The following ZEB1 variants were observed in gnomAD, a reference collection of about 807,000 sequenced individuals.
ZEB1 encodes the protein zinc finger E-box binding homeobox 1, also known as zinc finger E-box-binding homeobox 1.
In ZEB1, 21 loss-of-function variants were observed where a neutral mutation model predicts 84.9. The observed-to-expected ratio is 0.25, with a 90% CI of 0.18 to 0.36. ZEB1 has a LOEUF of 0.36. Among genes scored for constraint, ZEB1 ranks in the 10% least tolerant of loss-of-function variants. The probability of loss-of-function intolerance (pLI) is 1.00; values close to 1 mark genes in which losing one functional copy is unlikely to be tolerated. For missense variants in ZEB1, 1,104 were observed against 1,330.2 expected, an observed-to-expected ratio of 0.83 and a Z score of 2.65; for synonymous variants, 420 against 471.1, an observed-to-expected ratio of 0.89 and a Z score of 1.41.
intron 2 of ZEB1, among the ~76,000 whole-genome samples, chr10:31,479,711 T>G (rs1390335080): frequency 6.6e-6 from 1 of 151,934 alleles, no homozygotes; most frequent in Non-Finnish European, 1.5e-5. Context: ...AATTGTTAAG[T>G]ATGTAGTAAG....
At chr10:31,454,021 G>A (rs548341596) in intron 1 of ZEB1, among the ~76,000 whole-genome samples, 99 of 152,246 alleles carry the variant, frequency 6.5e-4, no homozygotes, top group Admixed American at 2.5e-3. Flanking sequence ...TAAAATACTG[G>A]CAAACTAAAT....
At position 31,516,539 on chromosome 10, in the gene ZEB1, TAAAAAAAAAAAAAAAAAAAAAAAAAAA is replaced by T. The variant is rs71027029; in HGVS notation, c.793+1844_793+1870del. The stretch of plus-strand genomic sequence containing the variant: ...AACCAAGACCCAGGGTGTCTGTAAG[TAAAAAAAAAAAAAAAAAAAAAAAAAAA>T]AAAAAAAAAAAATCAGTTGCTAGAA... On this transcript the variant is annotated intron_variant, in intron 6 of 8. Transcript: ENST00000424869. Among the ~76,000 whole-genome samples the T allele has an allele frequency of 5.9e-3, 201 of 34,076 alleles. 3 individuals are homozygous for T. The highest frequency in any genetic ancestry group is 0.017 in the Admixed American group (32 of 1,930). The allele number at this position is 34,076 out of a possible 152,430, so 22.4% of individuals were successfully genotyped here. A position where few individuals can be genotyped will look rare whatever the true frequency, so the allele number is the denominator to read the frequency against.
chr10:31,521,010 C>T lies in ZEB1; in HGVS notation c.1678C>T (p.Pro560Ser), dbSNP rs1283323958. The T allele has an allele frequency of 4.3e-6, 7 of 1,613,960 alleles. No homozygotes were observed. The African/African-American group carries it at 6.7e-5, about 15-fold the overall frequency. The change falls in exon 7 of 9, where the codon CCT becomes TCT. Residue 560 changes from proline (P) to serine (S), a missense_variant. By Grantham distance (74) the Pro-to-Ser change is moderately conservative (BLOSUM62 -1). This residue lies in a region of ZEB1 where 531 missense variants were observed against 575.2 expected (regional missense o/e 0.92). Coordinates refer to ENST00000424869, the MANE Select transcript of ZEB1 (RefSeq NM_001174096.2). ...TGACCTAAAGCAGCCTACTCAGCCTCCTCCACTCCCTGCAGCAGAAGCTGA... is the reference window on the plus strand; with the variant it reads ...TGACCTAAAGCAGCCTACTCAGCCTTCTCCACTCCCTGCAGCAGAAGCTGA... Reference protein sequence around the residue: ...HYDLKQPTQPPPLPAAEAEKP... With the variant: ...HYDLKQPTQPSPLPAAEAEKP...
intron 1 of ZEB1, among the ~76,000 whole-genome samples, chr10:31,383,616 A>G (rs953449959): frequency 6.6e-6 from 1 of 152,194 alleles, no homozygotes; most frequent in Non-Finnish European, 1.5e-5. Flanking sequence ...ACTGTTCAGT[A>G]TGGTAGCCAC....
chr10:31,486,176 A>C (rs1306334719), intron 2 of ZEB1, among the ~76,000 whole-genome samples: 1 of 151,838 alleles, frequency 6.6e-6, no homozygotes, highest in Non-Finnish European at 1.5e-5. Flanking sequence ...GATTATGAGT[A>C]AAGTTGCTGT....
chr10:31,366,561 T>A (rs2044538734), intron 1 of ZEB1, among the ~76,000 whole-genome samples: 5 of 152,366 alleles, frequency 3.3e-5, no homozygotes, highest in African/African-American at 1.2e-4. Context: ...ACAATCTTCC[T>A]GAAGTACTAA....
chr10:31,516,539 T>TAAAAA (rs71027029), intron 6 of ZEB1, among the ~76,000 whole-genome samples: 7 of 34,070 alleles, frequency 2.1e-4, no homozygotes, highest in African/African-American at 6.0e-4. Flanking sequence ...TGTCTGTAAG[T>TAAAAA]AAAAAAAAAA....
chr10:31,431,578 G>C (rs2057717196), intron 1 of ZEB1, among the ~76,000 whole-genome samples: 1 of 152,072 alleles, frequency 6.6e-6, no homozygotes, highest in South Asian at 2.1e-4. Context: ...CCTACTTTTA[G>C]TGGGATATAA....
At chr10:31,375,908 A>G (rs1009261900) in intron 1 of ZEB1, among the ~76,000 whole-genome samples, 3 of 151,750 alleles carry the variant, frequency 2.0e-5, no homozygotes, top group African/African-American at 4.8e-5. Flanking sequence ...GAAGTTATGA[A>G]GAAGTTAAAA....
intron 2 of ZEB1, among the ~76,000 whole-genome samples, chr10:31,464,490 C>T (rs2062157923): frequency 6.6e-6 from 1 of 152,134 alleles, no homozygotes; most frequent in Non-Finnish European, 1.5e-5. Flanking sequence ...TATTTATAAT[C>T]AGTGAAAAAC....
At chr10:31,526,440 A>G (rs2073453689) in intron 8 of ZEB1, among the ~76,000 whole-genome samples, 1 of 152,134 alleles carries the variant, frequency 6.6e-6, no homozygotes, top group Admixed American at 6.5e-5. Flanking sequence ...AATGTCATGT[A>G]GCTCCCATTG....
At chr10:31,491,380 T>C (rs1024082254) in intron 2 of ZEB1, among the ~76,000 whole-genome samples, 2 of 151,950 alleles carry the variant, frequency 1.3e-5, no homozygotes, top group Admixed American at 1.3e-4. Context: ...TTATCTCTGC[T>C]ACTACCTTGA....
intron 1 of ZEB1, among the ~76,000 whole-genome samples, chr10:31,443,559 C>A (rs1392208332): frequency 8.9e-6 from 1 of 112,902 alleles, no homozygotes; most frequent in Non-Finnish European, 1.8e-5. Context: ...CTATCCCTCC[C>A]CCCTCCCCCC....
At chr10:31,500,960 G>GA (rs1453298268) in intron 3 of ZEB1, among the ~76,000 whole-genome samples, 1 of 152,096 alleles carries the variant, frequency 6.6e-6, no homozygotes, top group African/African-American at 2.4e-5. Context: ...GAAAAGTGGG[G>GA]AAAAAAATTA....
At chr10:31,438,022 C>T (rs937448907) in intron 1 of ZEB1, among the ~76,000 whole-genome samples, 18 of 152,192 alleles carry the variant, frequency 1.2e-4, no homozygotes, top group African/African-American at 4.1e-4. Context: ...ATCATGCCAA[C>T]TCCTGTGGTT....
chr10:31,384,224 C>T (rs2048235428), intron 1 of ZEB1, among the ~76,000 whole-genome samples: 1 of 152,072 alleles, frequency 6.6e-6, no homozygotes, highest in Admixed American at 6.6e-5. Context: ...AATTCACTTG[C>T]CTTGGCCTCC....
At chr10:31,345,825 G>A (rs1463639208) in intron 1 of ZEB1, among the ~76,000 whole-genome samples, 2 of 152,116 alleles carry the variant, frequency 1.3e-5, no homozygotes, top group African/African-American at 4.8e-5. Flanking sequence ...AGAAAAAGGT[G>A]AAAATATTTT....
At chr10:31,485,189 A>G (rs960699517) in intron 2 of ZEB1, among the ~76,000 whole-genome samples, 15 of 151,946 alleles carry the variant, frequency 9.9e-5, no homozygotes. Flanking sequence ...TTCTACATGT[A>G]ATAAAGATAA....
At chr10:31,497,426 A>G (rs2067404880) in intron 3 of ZEB1, among the ~76,000 whole-genome samples, 1 of 152,168 alleles carries the variant, frequency 6.6e-6, no homozygotes, top group African/African-American at 2.4e-5. Flanking sequence ...GTGTTTAACA[A>G]AAGTTGCTGC....
Sources: gnomAD v4.1 joint callset for allele counts (sites outside exome capture counted in the v4.1 genomes callset) on GRCh38, gnomAD v4.1.1 for gene constraint, gnomAD v4.1.1 regional missense constraint, MANE v1.5 for transcripts, NCBI Gene and HGNC (gene_info 2026-07-23, HGNC 2026-07-21) for gene names.